TTC23: variants seen among roughly 807,000 people sequenced by gnomAD.
TTC23 encodes tetratricopeptide repeat domain 23.
In TTC23, 58 loss-of-function variants were observed where a neutral mutation model predicts 55.1. The ratio of observed to expected loss-of-function variants is 1.05; its 90% CI spans 0.85 to 1.31. TTC23 has a LOEUF of 1.31. Ranked by LOEUF, TTC23 falls within the 50% of genes most tolerant of loss-of-function variation. The pLI is 0.00. For synonymous variants in TTC23, 203 were observed against 199.9 expected (o/e 1.02, Z -0.13); for missense variants, 516 against 534.4 (o/e 0.97, Z 0.34).
At chr15:99,230,716 T>C (rs764022565) in intron 4 of TTC23, among the ~76,000 whole-genome samples, 1 of 152,232 alleles carries the variant, frequency 6.6e-6, no homozygotes, top group Non-Finnish European at 1.5e-5. Context: ...TTCTTATCTT[T>C]AAAGTATGGA....
intron 2 of TTC23, among the ~76,000 whole-genome samples, chr15:99,243,069 A>G (rs2079943983): frequency 6.6e-6 from 1 of 152,256 alleles, no homozygotes. Flanking sequence ...GACAACCCAC[A>G]GAATGGGAGA....
At chr15:99,187,451 G>C (rs1192280407) in intron 9 of TTC23, among the ~76,000 whole-genome samples, 1 of 10,452 alleles carries the variant, frequency 9.6e-5, no homozygotes, top group Non-Finnish European at 1.7e-4. Context: ...AAAAGCACAA[G>C]CAAAAAAAAA....
chr15:99,250,697 G>A (rs149575440), upstream of TTC23, among the ~76,000 whole-genome samples: 181 of 152,158 alleles, frequency 1.2e-3, no homozygotes, highest in African/African-American at 4.3e-3. Context: ...ACATATTGAC[G>A]GCCTACTCAG....
chr15:99,182,926 T>G (rs146597014), intron 9 of TTC23, among the ~76,000 whole-genome samples: 3 of 151,858 alleles, frequency 2.0e-5, no homozygotes, highest in African/African-American at 7.3e-5. Context: ...AAAAGTGAAA[T>G]AGTATGAAAA....
At chr15:99,141,841 A>G (rs1555490534) in intron 12 of TTC23, among the ~76,000 whole-genome samples, 2 of 152,246 alleles carry the variant, frequency 1.3e-5, no homozygotes, top group African/African-American at 4.8e-5. Context: ...TTTAAATAAC[A>G]GAAAATATTC....
rs1433889428 is a variant in TTC23 at position 99,137,374 on chromosome 15, G to A, written c.*636C>T. ...CTGCGGTCTTCCCCCCGCAGCCTCC[G>A]GCTAGCCTTTCTTTTCACTCCCTTA... On this transcript the variant is annotated 3_prime_UTR_variant, in exon 14 of 14. Coordinates refer to ENST00000394132, the MANE Select transcript of TTC23 (RefSeq NM_001288615.3). The A allele has an allele frequency of 1.3e-5, 2 of 152,258 alleles. No homozygotes were observed. The highest frequency in any genetic ancestry group is 6.5e-5 in the Admixed American group (1 of 15,290). The allele number at this position is 152,258 out of a possible 1,614,324, so 9.4% of individuals were successfully genotyped here. A position where few individuals can be genotyped will look rare whatever the true frequency, so the allele number is the denominator to read the frequency against.
In TTC23 at chr15:99,177,326, T is replaced by C. The variant is rs373156448; in HGVS notation, c.760-2171A>G. Among the ~76,000 whole-genome samples the C allele has an allele frequency of 2.0e-5, 3 of 152,338 alleles. No individual in the cohort carries two copies. In the South Asian group the frequency reaches 6.2e-4, roughly 32 times the overall value. On this transcript the variant is annotated intron_variant, in intron 9 of 13. Coordinates refer to ENST00000394132, the MANE Select transcript of TTC23 (RefSeq NM_001288615.3). ...TTTTCTTATTACAGAATATAAAGAATTGAATATGTGATTTTGGCAACCCCA... is the reference window on the plus strand; with the variant it reads ...TTTTCTTATTACAGAATATAAAGAACTGAATATGTGATTTTGGCAACCCCA...
chr15:99,194,881 C>T (rs72756869), intron 9 of TTC23, among the ~76,000 whole-genome samples: 3,684 of 152,250 alleles, frequency 0.024, 59 homozygotes, highest in South Asian at 0.045. Context: ...GTTGGTGAGA[C>T]GAGATTGTAC....
chr15:99,155,863 G>C, intron 12 of TTC23: 1 of 477,976 alleles, frequency 2.1e-6, no homozygotes, highest in South Asian at 5.1e-5. Context: ...AGTATAGAGA[G>C]AGCACCGCAA....
chr15:99,243,485 T>C (rs1280640668), intron 2 of TTC23, among the ~76,000 whole-genome samples: 1 of 152,132 alleles, frequency 6.6e-6, no homozygotes, highest in Non-Finnish European at 1.5e-5. Context: ...GATCCAGCAG[T>C]CCCACTGCTC....
chr15:99,164,580 T>C (rs2071800923), intron 10 of TTC23, among the ~76,000 whole-genome samples: 2 of 152,246 alleles, frequency 1.3e-5, no homozygotes. Flanking sequence ...TGGAGCACTG[T>C]ACAAACCATT....
intron 10 of TTC23, among the ~76,000 whole-genome samples, chr15:99,167,016 A>C (rs1253563744): frequency 6.6e-6 from 1 of 151,290 alleles, no homozygotes; most frequent in Non-Finnish European, 1.5e-5. Flanking sequence ...CAACCCCCTC[A>C]CCTCCAAATT....
At chr15:99,245,949 G>T (rs2080207318) in intron 1 of TTC23, among the ~76,000 whole-genome samples, 4 of 151,498 alleles carry the variant, frequency 2.6e-5, no homozygotes, top group Admixed American at 2.6e-4. Flanking sequence ...CTCCCAAGCA[G>T]CTGGGATTAC....
chr15:99,143,900 T>G (rs260114), intron 12 of TTC23, among the ~76,000 whole-genome samples: 4 of 152,032 alleles, frequency 2.6e-5, no homozygotes, highest in Admixed American at 2.6e-4. Context: ...AGGACAAACA[T>G]GTAAGCTGGG....
intron 9 of TTC23, among the ~76,000 whole-genome samples, chr15:99,178,586 G>A (rs940890651): frequency 2.0e-5 from 3 of 152,126 alleles, no homozygotes; most frequent in Non-Finnish European, 4.4e-5. Flanking sequence ...AGTTTTAAAG[G>A]AGCTCACATG....
At chr15:99,201,895 T>G (rs978911913) in intron 8 of TTC23, among the ~76,000 whole-genome samples, 3 of 152,126 alleles carry the variant, frequency 2.0e-5, no homozygotes, top group African/African-American at 7.2e-5. Context: ...CTCAGAAACA[T>G]ATGGTTGGTA....
intron 9 of TTC23, among the ~76,000 whole-genome samples, chr15:99,194,342 A>G (rs758395733): frequency 2.0e-5 from 3 of 152,148 alleles, no homozygotes; most frequent in Non-Finnish European, 4.4e-5. Context: ...GATACTACCC[A>G]ACTTGAAGAC....
At chr15:99,222,984 G>A (rs1004008348) in intron 5 of TTC23, among the ~76,000 whole-genome samples, 9 of 152,154 alleles carry the variant, frequency 5.9e-5, no homozygotes, top group Admixed American at 4.6e-4. Context: ...GCGACACAGC[G>A]AGACTCCGTC....
At chr15:99,160,320 A>G (rs1252640710) in intron 11 of TTC23, 4 of 152,252 alleles carry the variant, frequency 2.6e-5, no homozygotes, top group African/African-American at 9.6e-5. Flanking sequence ...ATTTGCCATG[A>G]TAGGTTAGAG....
Sources: gnomAD v4.1 joint callset for allele counts (sites outside exome capture counted in the v4.1 genomes callset) on GRCh38, gnomAD v4.1.1 for gene constraint, MANE v1.5 for transcripts, NCBI Gene and HGNC (gene_info 2026-07-23, HGNC 2026-07-21) for gene names.